RAPGEF4: variants seen among roughly 807,000 people sequenced by gnomAD.
RAPGEF4 encodes the protein Rap guanine nucleotide exchange factor 4, also known as RAP guanine-nucleotide-exchange factor (GEF) 4.
RAPGEF4 carries 66 observed loss-of-function variants against 147.9 expected under a neutral mutation model. The ratio of observed to expected loss-of-function variants is 0.45; its 90% CI spans 0.37 to 0.55. The LOEUF (loss-of-function observed/expected upper bound fraction) is 0.55. Among genes scored for constraint, RAPGEF4 ranks in the 20% least tolerant of loss-of-function variants. The pLI, the probability that RAPGEF4 is intolerant of heterozygous loss-of-function variation, is 0.00. For synonymous variants in RAPGEF4, 419 were observed against 442.7 expected (o/e 0.95, Z 0.67); for missense variants, 1,071 against 1,257.3 (o/e 0.85, Z 2.24).
chr2:172,911,251 A>T lies in RAPGEF4; in HGVS notation c.445-6551A>T, dbSNP rs1700064604. 2.0e-5 allele frequency among the ~76,000 whole-genome samples: 3 copies of T among 152,176 alleles called. No homozygotes were observed. In the South Asian group the frequency reaches 6.2e-4, roughly 32 times the overall value. On this transcript the variant is annotated intron_variant, in intron 4 of 30. Transcript: ENST00000397081. ...AATCTCAGACCTATGAATGAAAGAG[A>T]CAAGTTACGTGTCCCCCACACCCAG...
At chr2:172,939,542 T>A (rs1047195928) in intron 6 of RAPGEF4, among the ~76,000 whole-genome samples, 1 of 152,202 alleles carries the variant, frequency 6.6e-6, no homozygotes, top group Non-Finnish European at 1.5e-5. Flanking sequence ...AAGTCCTTTA[T>A]CAGATATGAG....
chr2:172,766,089 CTAAT>C (rs2149477987), intron 1 of RAPGEF4, among the ~76,000 whole-genome samples: 1 of 152,140 alleles, frequency 6.6e-6, no homozygotes, highest in South Asian at 2.1e-4. Flanking sequence ...CTTATCATAC[CTAAT>C]TAAACAAGAT....
intron 4 of RAPGEF4, among the ~76,000 whole-genome samples, chr2:172,881,038 A>G (rs1434601557): frequency 4.6e-5 from 7 of 152,194 alleles, no homozygotes; most frequent in Admixed American, 2.6e-4. Context: ...TATAATGAGC[A>G]TCTCCATTTT....
At chr2:172,740,664 A>G (rs553553496) in intron 1 of RAPGEF4, among the ~76,000 whole-genome samples, 1 of 152,346 alleles carries the variant, frequency 6.6e-6, no homozygotes, top group Admixed American at 6.5e-5. Context: ...AGAGGATCAA[A>G]GAAGCACACA....
chr2:173,007,346 A>C (rs1008110693), intron 17 of RAPGEF4, among the ~76,000 whole-genome samples: 2 of 152,232 alleles, frequency 1.3e-5, no homozygotes, highest in African/African-American at 4.8e-5. Flanking sequence ...TATGTAAAGA[A>C]ATTGATGGTA....
At chr2:172,856,623 T>C (rs1693441232) in intron 4 of RAPGEF4, among the ~76,000 whole-genome samples, 1 of 152,224 alleles carries the variant, frequency 6.6e-6, no homozygotes, top group Admixed American at 6.5e-5. Context: ...TCATCTTCCC[T>C]GAGACAGCAG....
At chr2:172,976,175 A>G (rs1417561260) in intron 10 of RAPGEF4, among the ~76,000 whole-genome samples, 1 of 152,244 alleles carries the variant, frequency 6.6e-6, no homozygotes, top group Non-Finnish European at 1.5e-5. Flanking sequence ...AAGGGAACTT[A>G]AAACGTCCTT....
In RAPGEF4 at chr2:172,996,542, A is replaced by C; in HGVS notation, c.1567A>C (p.Asn523His). ...AACAATACGCCTTGAGGCAACTTTA[A>C]ATGAAGCAACAGGTATACACATAGA... ...LETIRLEATL[N>H]EATDSVLNDF... The change falls in exon 16 of 31, where the codon AAT (asparagine) becomes CAT (histidine). Residue 523 changes from asparagine (N) to histidine (H), a missense_variant. Coordinates refer to ENST00000397081, the MANE Select transcript of RAPGEF4 (RefSeq NM_007023.4). 1 of 1,578,026 alleles carries C rather than the reference A, an allele frequency of 6.3e-7. No individual in the cohort carries two copies. Among genetic ancestry groups the C allele is most frequent in the Non-Finnish European group, 8.6e-7 (1 of 1,167,200 alleles).
intron 1 of RAPGEF4, among the ~76,000 whole-genome samples, chr2:172,743,811 C>T (rs977861918): frequency 6.6e-6 from 1 of 152,180 alleles, no homozygotes; most frequent in Non-Finnish European, 1.5e-5. Flanking sequence ...TGGCAGCCAT[C>T]TTGTAATCCC....
At chr2:172,771,282 A>G (rs1341022946) in intron 1 of RAPGEF4, among the ~76,000 whole-genome samples, 2 of 152,016 alleles carry the variant, frequency 1.3e-5, no homozygotes, top group African/African-American at 4.8e-5. Flanking sequence ...GGCTTCTTTT[A>G]TAAGAACGGT....
chr2:172,787,190 G>A (rs1019905924), intron 1 of RAPGEF4, among the ~76,000 whole-genome samples: 2 of 151,608 alleles, frequency 1.3e-5, no homozygotes, highest in Non-Finnish European at 2.9e-5. Flanking sequence ...GCAGCCTGGG[G>A]GACAGAGTGA....
chr2:172,834,569 ATTTG>A (rs765229393), intron 4 of RAPGEF4, among the ~76,000 whole-genome samples: 7 of 152,292 alleles, frequency 4.6e-5, no homozygotes, highest in African/African-American at 7.2e-5. Context: ...TTGTAAATAA[ATTTG>A]TTTATTTGTT....
chr2:172,860,820 A>T (rs1274137450), intron 4 of RAPGEF4, among the ~76,000 whole-genome samples: 1 of 152,192 alleles, frequency 6.6e-6, no homozygotes, highest in Non-Finnish European at 1.5e-5. Flanking sequence ...CAAAATAATC[A>T]TAAAGGGTGT....
chr2:172,971,296 G>A (rs1442533932), intron 10 of RAPGEF4, among the ~76,000 whole-genome samples: 1 of 152,182 alleles, frequency 6.6e-6, no homozygotes, highest in Non-Finnish European at 1.5e-5. Flanking sequence ...AGGTTCCAAT[G>A]TTCAGGATGG....
chr2:173,043,865 C>T (rs763259231), intron 29 of RAPGEF4, among the ~76,000 whole-genome samples: 22 of 152,186 alleles, frequency 1.4e-4, no homozygotes, highest in African/African-American at 2.2e-4. Flanking sequence ...TGTGCCAGGC[C>T]GAGGTGCAGA....
chr2:173,028,134 G>T (rs1268371186), intron 25 of RAPGEF4, among the ~76,000 whole-genome samples: 1 of 152,222 alleles, frequency 6.6e-6, no homozygotes, highest in East Asian at 1.9e-4. Flanking sequence ...TTTGCCAGAT[G>T]CCTGGAATTA....
chr2:172,887,709 C>G (rs901146312), intron 4 of RAPGEF4, among the ~76,000 whole-genome samples: 2 of 152,140 alleles, frequency 1.3e-5, no homozygotes, highest in African/African-American at 4.8e-5. Flanking sequence ...CCTTCTGTAT[C>G]TGGCCACTCC....
At chr2:172,753,452 T>C (rs1300241328) in intron 1 of RAPGEF4, among the ~76,000 whole-genome samples, 1 of 151,994 alleles carries the variant, frequency 6.6e-6, no homozygotes, top group Non-Finnish European at 1.5e-5. Context: ...ATAAAGAGTT[T>C]TGTGGTCAAA....
chr2:173,038,674 C>T (rs1684360248), intron 29 of RAPGEF4, among the ~76,000 whole-genome samples: 1 of 152,098 alleles, frequency 6.6e-6, no homozygotes, highest in Admixed American at 6.6e-5. Flanking sequence ...ATAGGTGCAG[C>T]AAACCAGAAT....
Sources: gnomAD v4.1 joint callset for allele counts (sites outside exome capture counted in the v4.1 genomes callset) on GRCh38, gnomAD v4.1.1 for gene constraint, MANE v1.5 for transcripts, NCBI Gene and HGNC (gene_info 2026-07-23, HGNC 2026-07-21) for gene names.